CYYR1: variants seen among roughly 807,000 people sequenced by gnomAD.
The protein encoded by CYYR1 is cysteine and tyrosine-rich protein 1.
Under a neutral mutation model 15.2 loss-of-function variants are expected in CYYR1, and 14 were observed. The observed-to-expected ratio is 0.92, with a 90% CI of 0.61 to 1.44. The LOEUF (loss-of-function observed/expected upper bound fraction) is 1.44, where lower values mean the gene tolerates loss of function less well. CYYR1 is among the 40% of genes most tolerant of loss of function. CYYR1 has a pLI of 0.00. For synonymous variants in CYYR1, 80 were observed against 77.4 expected, an observed-to-expected ratio of 1.03 and a Z score of -0.18; for missense variants, 228 against 209.5, an observed-to-expected ratio of 1.09 and a Z score of -0.54.
chr21:26,552,166 CT>C (rs1230672770), intron 2 of CYYR1: 3 of 152,102 alleles, frequency 2.0e-5, no homozygotes, highest in African/African-American at 7.2e-5. Flanking sequence ...CTACTGCACC[CT>C]TAATAGACTA....
chr21:26,487,514 T>G (rs1255310621), intron 2 of CYYR1, among the ~76,000 whole-genome samples: 1 of 152,098 alleles, frequency 6.6e-6, no homozygotes, highest in African/African-American at 2.4e-5. Context: ...TTTTGGCCAA[T>G]TCATTAAAAT....
At chr21:26,484,796 G>A (rs149967844) in intron 2 of CYYR1, among the ~76,000 whole-genome samples, 5 of 152,108 alleles carry the variant, frequency 3.3e-5, no homozygotes, top group Non-Finnish European at 5.9e-5. Context: ...TAGAAAATTA[G>A]TCACATTTTG....
intron 2 of CYYR1, among the ~76,000 whole-genome samples, chr21:26,524,398 G>T (rs2065838402): frequency 6.6e-6 from 1 of 152,170 alleles, no homozygotes; most frequent in Non-Finnish European, 1.5e-5. Flanking sequence ...TACATTGAAT[G>T]TTTTGGCCGC....
chr21:26,557,889 T>C (rs757907681), intron 2 of CYYR1, among the ~76,000 whole-genome samples: 1 of 152,154 alleles, frequency 6.6e-6, no homozygotes, highest in Non-Finnish European at 1.5e-5. Flanking sequence ...TTCCTGAATA[T>C]TCCCCATTAG....
chr21:26,526,276 C>T (rs1381323608), intron 2 of CYYR1, among the ~76,000 whole-genome samples: 2 of 152,066 alleles, frequency 1.3e-5, no homozygotes, highest in Non-Finnish European at 2.9e-5. Flanking sequence ...GGTGAAATCC[C>T]GTCTCTACTA....
intron 1 of CYYR1, among the ~76,000 whole-genome samples, chr21:26,569,709 G>A (rs923158559): frequency 2.0e-5 from 3 of 152,210 alleles, no homozygotes; most frequent in African/African-American, 7.2e-5. Context: ...CGTCATGGGT[G>A]CCTTTTGAAC....
rs1978455335 is a variant in CYYR1, at chr21:26,540,297, AGG to A, written c.176+25967_176+25968del. Among the ~76,000 whole-genome samples, 3 of 152,206 alleles carry A rather than the reference AGG, an allele frequency of 2.0e-5. No individual in the cohort carries two copies. In the South Asian group the frequency reaches 6.2e-4, roughly 32 times the overall value. ...TGGAAGTGAATCAAAACTGGGAAGA[AGG>A]AAATGGAACTGAGTAGCGTTCCATT... On this transcript the variant is annotated intron_variant, in intron 2 of 3. Coordinates refer to ENST00000652641, the MANE Select transcript of CYYR1 (RefSeq NM_001320768.2).
intron 1 of CYYR1, among the ~76,000 whole-genome samples, chr21:26,570,348 G>A (rs76763393): frequency 6.6e-6 from 1 of 152,254 alleles, no homozygotes; most frequent in East Asian, 1.9e-4. Flanking sequence ...TAAGGAATGC[G>A]CAGAACAGGA....
intron 3 of CYYR1, among the ~76,000 whole-genome samples, chr21:26,479,957 T>G (rs750750017): frequency 6.6e-6 from 1 of 152,208 alleles, no homozygotes; most frequent in Non-Finnish European, 1.5e-5. Context: ...ACTTTATAAA[T>G]TACTTGTCAG....
At chr21:26,567,800 T>C (rs1980743195) in intron 1 of CYYR1, among the ~76,000 whole-genome samples, 1 of 152,242 alleles carries the variant, frequency 6.6e-6, no homozygotes, top group African/African-American at 2.4e-5. Context: ...AATTTTACAT[T>C]GCTTTTAAAT....
At chr21:26,568,730 A>C (rs1037747415) in intron 1 of CYYR1, 10 of 152,222 alleles carry the variant, frequency 6.6e-5, no homozygotes, top group African/African-American at 2.2e-4. Flanking sequence ...AATATCCAGA[A>C]TCTATAAGGA....
At chr21:26,503,249 A>T (rs2123483392) in intron 2 of CYYR1, among the ~76,000 whole-genome samples, 1 of 152,320 alleles carries the variant, frequency 6.6e-6, no homozygotes, top group South Asian at 2.1e-4. Context: ...AGTGCGGGAC[A>T]TACTTGCAAA....
At chr21:26,482,961 G>A (rs1419126527) in intron 2 of CYYR1, among the ~76,000 whole-genome samples, 1 of 151,846 alleles carries the variant, frequency 6.6e-6, no homozygotes, top group African/African-American at 2.4e-5. Context: ...TTCAGTTGTT[G>A]AAACTTCTCC....
At chr21:26,489,472 C>G (rs532580647) in intron 2 of CYYR1, among the ~76,000 whole-genome samples, 2 of 151,750 alleles carry the variant, frequency 1.3e-5, no homozygotes, top group Admixed American at 6.6e-5. Flanking sequence ...TAATGAGAGT[C>G]GAATACATAT....
At chr21:26,512,956 A>G (rs183414) in intron 2 of CYYR1, among the ~76,000 whole-genome samples, 2,822 of 152,130 alleles carry the variant, frequency 0.019, 40 homozygotes, top group South Asian at 0.089. Context: ...AGCGTTTAAC[A>G]TTTTTCACAA....
At chr21:26,546,218 G>C (rs17002258) in intron 2 of CYYR1, among the ~76,000 whole-genome samples, 2,710 of 152,280 alleles carry the variant, frequency 0.018, 79 homozygotes, top group African/African-American at 0.061. Flanking sequence ...ATTTAGAATT[G>C]TTAGCAAATT....
intron 3 of CYYR1, among the ~76,000 whole-genome samples, chr21:26,479,914 G>T (rs766560613): frequency 2.0e-5 from 3 of 152,090 alleles, no homozygotes; most frequent in African/African-American, 7.2e-5. Flanking sequence ...ATATCTATTG[G>T]ATCAGATGCC....
At position 26,520,925 on chromosome 21, in the gene CYYR1, TG is replaced by T. The variant is rs201281319; in HGVS notation, c.177-40497del. Among the ~76,000 whole-genome samples the T allele has an allele frequency of 3.5e-4, 53 of 152,296 alleles. No homozygotes were observed. The East Asian group carries it at 9.1e-3, about 26-fold the overall frequency. ...GAAGCCATTATCCTCAGCAAACTGATGCAGGAACAGAAAACCAAACACTGCG... is the reference window on the plus strand; with the variant it reads ...GAAGCCATTATCCTCAGCAAACTGATCAGGAACAGAAAACCAAACACTGCG... On this transcript the variant is annotated intron_variant, in intron 2 of 3. Coordinates refer to ENST00000652641, the MANE Select transcript of CYYR1 (RefSeq NM_001320768.2).
intron 2 of CYYR1, among the ~76,000 whole-genome samples, chr21:26,499,436 A>C (rs1475600658): frequency 6.6e-6 from 1 of 152,198 alleles, no homozygotes; most frequent in East Asian, 1.9e-4. Flanking sequence ...CTGCTGACAC[A>C]CTGTTTTCAG....
Sources: gnomAD v4.1 joint callset for allele counts (sites outside exome capture counted in the v4.1 genomes callset) on GRCh38, gnomAD v4.1.1 for gene constraint, MANE v1.5 for transcripts, NCBI Gene and HGNC (gene_info 2026-07-23, HGNC 2026-07-21) for gene names.